The following LPP variants were observed in gnomAD, a reference collection of about 807,000 sequenced individuals.
LPP encodes the protein lipoma-preferred partner.
In LPP, 38 loss-of-function variants were observed where a neutral mutation model predicts 60.4. The observed-to-expected ratio is 0.63, with a 90% CI of 0.49 to 0.83. LPP has a LOEUF of 0.83. LPP is among the 40% of genes least tolerant of loss of function. LPP has a pLI of 0.00. For synonymous variants in LPP, 328 were observed against 290.8 expected, an observed-to-expected ratio of 1.13 and a Z score of -1.30; for missense variants, 902 against 783.6, an observed-to-expected ratio of 1.15 and a Z score of -1.80.
intron 7 of LPP, among the ~76,000 whole-genome samples, chr3:188,623,991 A>G (rs1016442210): frequency 2.7e-4 from 41 of 152,364 alleles, no homozygotes; most frequent in African/African-American, 9.1e-4. Context: ...GGAATTAAGC[A>G]GAATATCAAA....
At chr3:188,508,418 A>G (rs945013424) in intron 5 of LPP, among the ~76,000 whole-genome samples, 1 of 152,242 alleles carries the variant, frequency 6.6e-6, no homozygotes, top group African/African-American at 2.4e-5. Context: ...TCCAGACATA[A>G]ACAGCTCTGC....
At chr3:188,198,379 G>T (rs1730128488) in intron 1 of LPP, among the ~76,000 whole-genome samples, 2 of 152,212 alleles carry the variant, frequency 1.3e-5, no homozygotes, top group Admixed American at 6.5e-5. Flanking sequence ...CTGTGTATAA[G>T]GGCCTGGGCT....
At chr3:188,275,877 T>A (rs1249021754) in intron 2 of LPP, among the ~76,000 whole-genome samples, 5 of 152,016 alleles carry the variant, frequency 3.3e-5, no homozygotes, top group African/African-American at 4.8e-5. Flanking sequence ...GGTTTCACCA[T>A]ATTGTCCAGG....
chr3:188,575,137 C>A (rs1183445988), intron 6 of LPP, among the ~76,000 whole-genome samples: 2 of 152,048 alleles, frequency 1.3e-5, no homozygotes, highest in African/African-American at 4.8e-5. Context: ...CAGCATATTC[C>A]CAGGAGTCAG....
rs140605898 is a variant in LPP, at chr3:188,862,969, TA to T, written c.1411-3229del. ...TGCATCTTTTTGTCTGGCTTTAAAA[TA>T]ATCATCTATAACACAAAAATATCCC... is the stretch of plus-strand genomic sequence containing the variant. On this transcript the variant is annotated intron_variant, in intron 9 of 11. Transcript: ENST00000617246. Among the ~76,000 whole-genome samples, 438 of 152,188 alleles carry T rather than the reference TA, an allele frequency of 2.9e-3. 3 individuals carry two copies. Among genetic ancestry groups the T allele is most frequent in the African/African-American group, 9.9e-3 (413 of 41,530 alleles).
intron 6 of LPP, among the ~76,000 whole-genome samples, chr3:188,588,668 C>T (rs1342378760): frequency 6.6e-6 from 1 of 152,162 alleles, no homozygotes; most frequent in African/African-American, 2.4e-5. Context: ...TAAATAAGGA[C>T]TAGTAGATTG....
rs965914842 is a variant in LPP at position 188,484,455 on chromosome 3, G to A, written c.194-137G>A. 3.4e-5 allele frequency: 21 copies of A among 608,726 alleles called. No individual in the cohort carries two copies. The African/African-American group carries it at 3.5e-4, about 10-fold the overall frequency. The allele number at this position is 608,726 out of a possible 1,614,324, so 37.7% of individuals were successfully genotyped here. On this transcript the variant is annotated intron_variant, in intron 4 of 11. Coordinates refer to ENST00000617246, the MANE Select transcript of LPP (RefSeq NM_001375462.1). ...TAATTAAGGCTACTAATTAAACTAA[G>A]ATGGGGAATAATTGCTATACAACAC...
chr3:188,675,046 A>G (rs1576971568), intron 7 of LPP, among the ~76,000 whole-genome samples: 1 of 129,456 alleles, frequency 7.7e-6, no homozygotes, highest in East Asian at 2.3e-4. Flanking sequence ...AGGGCATAGG[A>G]GTAATTCAGA....
At chr3:188,705,723 T>C (rs1865357919) in intron 7 of LPP, among the ~76,000 whole-genome samples, 1 of 151,972 alleles carries the variant, frequency 6.6e-6, no homozygotes, top group Non-Finnish European at 1.5e-5. Context: ...TTCAAGCGAT[T>C]TTCATGCCCC....
rs990931600 is a variant in LPP, at chr3:188,322,036, C to G, written c.-66-19627C>G. Among the ~76,000 whole-genome samples, 72 of 152,316 alleles carry G rather than the reference C, an allele frequency of 4.7e-4. 1 individual carries two copies. Among genetic ancestry groups the G allele is most frequent in the East Asian group, 3.9e-4 (2 of 5,176 alleles). ...CTTTTCAAGATGCTTCACCTCATCA[C>G]TCTCTAGGTAAAGGGGGACAGAAAA... On this transcript the variant is annotated intron_variant, in intron 2 of 11. Transcript: ENST00000617246.
chr3:188,881,742 C>G lies in LPP; in HGVS notation c.*7263C>G, dbSNP rs1434065901. 1 of 221,816 alleles carries G rather than the reference C, an allele frequency of 4.5e-6. No homozygotes were observed. The highest frequency in any genetic ancestry group is 1.4e-3 in the Middle Eastern group (1 of 722). The allele number at this position is 221,816 out of a possible 1,614,324, so 13.7% of individuals were successfully genotyped here. On this transcript the variant is annotated 3_prime_UTR_variant, in exon 12 of 12. Transcript: ENST00000617246. ...TGGGTCAGTTCATATTCCATTCAACCTTTTCCTTTTATCCTTGTCTTCTTC... is the reference window on the plus strand; with the variant it reads ...TGGGTCAGTTCATATTCCATTCAACGTTTTCCTTTTATCCTTGTCTTCTTC...
chr3:188,691,990 T>C (rs1862223523), intron 7 of LPP, among the ~76,000 whole-genome samples: 1 of 152,172 alleles, frequency 6.6e-6, no homozygotes, highest in Admixed American at 6.5e-5. Flanking sequence ...AAAAACCACT[T>C]TTCATAACTT....
At chr3:188,677,636 G>A (rs1269530330) in intron 7 of LPP, among the ~76,000 whole-genome samples, 2 of 152,148 alleles carry the variant, frequency 1.3e-5, no homozygotes, top group Admixed American at 6.5e-5. Flanking sequence ...ATGGGAGAGG[G>A]GGAGGGAAGC....
intron 9 of LPP, among the ~76,000 whole-genome samples, chr3:188,860,568 C>G (rs1764946176): frequency 6.6e-6 from 1 of 151,982 alleles, no homozygotes; most frequent in Non-Finnish European, 1.5e-5. Context: ...CCGGAACCCA[C>G]TTGAAACACA....
At chr3:188,201,402 G>T (rs994498782) in intron 1 of LPP, among the ~76,000 whole-genome samples, 1 of 152,126 alleles carries the variant, frequency 6.6e-6, no homozygotes, top group Non-Finnish European at 1.5e-5. Context: ...ATCTCATTAT[G>T]GGGCATTTAA....
chr3:188,258,472 G>A (rs1457917621), intron 2 of LPP, among the ~76,000 whole-genome samples: 6 of 152,156 alleles, frequency 3.9e-5, no homozygotes, highest in East Asian at 1.9e-4. Flanking sequence ...ACAGGGACAC[G>A]CCACTACGCC....
At chr3:188,309,880 G>A (rs945717151) in intron 2 of LPP, among the ~76,000 whole-genome samples, 1 of 152,118 alleles carries the variant, frequency 6.6e-6, no homozygotes, top group Non-Finnish European at 1.5e-5. Flanking sequence ...GTAAAACATG[G>A]AGTTCTGATC....
intron 4 of LPP, among the ~76,000 whole-genome samples, chr3:188,407,021 A>G (rs1158415868): frequency 6.6e-6 from 1 of 152,042 alleles, no homozygotes; most frequent in African/African-American, 2.4e-5. Flanking sequence ...AAAAGGTTCC[A>G]TATTTTTACC....
At position 188,609,129 on chromosome 3, in the gene LPP, T is replaced by C. The variant is rs753944921; in HGVS notation, c.430-32T>C. 2.0e-6 allele frequency: 3 copies of C among 1,502,914 alleles called. No individual in the cohort carries two copies. Among genetic ancestry groups the C allele is most frequent in the African/African-American group, 1.4e-5 (1 of 70,726 alleles). The allele number at this position is 1,502,914 out of a possible 1,614,324, so 93.1% of individuals were successfully genotyped here. On this transcript the variant is annotated intron_variant, in intron 6 of 11. Transcript: ENST00000617246. This position sits in a 1 kb window ranked among gnomAD's most constrained non-coding sequence, Gnocchi z 6.9. ...GTTTCGTTGGCAGTAATTTTTGCTTTCTTTCTTTCTTTTTTTTCCTATTCT... is the reference window on the plus strand; with the variant it reads ...GTTTCGTTGGCAGTAATTTTTGCTTCCTTTCTTTCTTTTTTTTCCTATTCT...
Sources: gnomAD v4.1 joint callset for allele counts (sites outside exome capture counted in the v4.1 genomes callset) on GRCh38, gnomAD v4.1.1 for gene constraint, Gnocchi (gnomAD v3.1) non-coding constraint, MANE v1.5 for transcripts, NCBI Gene and HGNC (gene_info 2026-07-23, HGNC 2026-07-21) for gene names.